Variants in PARL observed in about 807,000 individuals in gnomAD.
The protein encoded by PARL is presenilin-associated rhomboid-like protein, mitochondrial.
Under a neutral mutation model 51.6 loss-of-function variants are expected in PARL, and 44 were observed. The ratio of observed to expected loss-of-function variants is 0.85; its 90% CI spans 0.67 to 1.10. The LOEUF is 1.10. Ranked by LOEUF, PARL falls within the 50% of genes least tolerant of loss-of-function variation. The pLI is 0.00. For missense variants in PARL, 441 were observed against 469.5 expected (o/e 0.94, Z 0.56); for synonymous variants, 172 against 164.0 (o/e 1.05, Z -0.37).
intron 1 of PARL, chr3:183,879,821 AT>A (rs770315468): frequency 5.9e-5 from 14 of 238,206 alleles, no homozygotes; most frequent in Non-Finnish European, 9.4e-5. Flanking sequence ...AGTTCAAGTG[AT>A]TCCCCTGCCT....
chr3:183,865,183 C>A (rs1227194476), intron 3 of PARL, among the ~76,000 whole-genome samples: 1 of 152,128 alleles, frequency 6.6e-6, no homozygotes, highest in Non-Finnish European at 1.5e-5. Context: ...TGGCACACGC[C>A]TGTAGTCCCA....
chr3:183,837,918 C>T (rs959497745), intron 7 of PARL, among the ~76,000 whole-genome samples: 1 of 152,064 alleles, frequency 6.6e-6, no homozygotes, highest in South Asian at 2.1e-4. Flanking sequence ...TTGAGACCAG[C>T]CTTGGCAACA....
At chr3:183,868,913 T>C (rs1220708616) in intron 1 of PARL, among the ~76,000 whole-genome samples, 2 of 152,196 alleles carry the variant, frequency 1.3e-5, no homozygotes, top group African/African-American at 2.4e-5. Context: ...ACCAAATTAT[T>C]TGTGAGCTGT....
At chr3:183,844,383 A>C (rs1381819232) in intron 4 of PARL, 57 bp from the exon 5 acceptor site, 2 of 1,046,582 alleles carry the variant, frequency 1.9e-6, no homozygotes, top group African/African-American at 3.2e-5. Flanking sequence ...GGAAAGTCTG[A>C]TCTACATTAC....
intron 9 of PARL, among the ~76,000 whole-genome samples, chr3:183,832,667 G>A (rs192297917): frequency 1.3e-5 from 2 of 152,182 alleles, no homozygotes; most frequent in South Asian, 2.1e-4. Flanking sequence ...GGTCTCCCAC[G>A]ATCAGATGGA....
intron 1 of PARL, among the ~76,000 whole-genome samples, chr3:183,878,811 G>A (rs1734128300): frequency 4.6e-5 from 7 of 152,314 alleles, no homozygotes; most frequent in Non-Finnish European, 1.0e-4. Flanking sequence ...GCGGCCTATA[G>A]AGTGGATTTG....
intron 1 of PARL, among the ~76,000 whole-genome samples, chr3:183,873,723 C>G (rs1577383157): frequency 1.3e-5 from 2 of 152,106 alleles, no homozygotes; most frequent in East Asian, 3.9e-4. Flanking sequence ...ACTACTTCTA[C>G]CTGTCACCAA....
At chr3:183,835,008 G>C (rs997209151) in intron 7 of PARL, among the ~76,000 whole-genome samples, 17 of 151,450 alleles carry the variant, frequency 1.1e-4, no homozygotes, top group Non-Finnish European at 2.1e-4. Flanking sequence ...GCAGTGAGCC[G>C]AGATTGTCCC....
intron 4 of PARL, among the ~76,000 whole-genome samples, chr3:183,850,577 C>G (rs1442175659): frequency 2.6e-5 from 4 of 152,068 alleles, no homozygotes; most frequent in Admixed American, 6.5e-5. Flanking sequence ...GAAATTCTAC[C>G]AAATATAAAA....
chr3:183,859,082 G>C (rs1731500356), intron 4 of PARL, among the ~76,000 whole-genome samples: 1 of 152,054 alleles, frequency 6.6e-6, no homozygotes, highest in Non-Finnish European at 1.5e-5. Flanking sequence ...CGAGGCGGTG[G>C]ATCACGAGGT....
At chr3:183,862,641 T>G in intron 4 of PARL, 112 bp downstream of exon 4, 1 of 814,290 alleles carries the variant, frequency 1.2e-6, no homozygotes, top group Admixed American at 1.8e-5. Context: ...ACAGAGACTG[T>G]CTTCTAAACC....
intron 1 of PARL, chr3:183,879,656 ATGTT>A (rs1734210066): frequency 3.1e-6 from 2 of 642,522 alleles, no homozygotes; most frequent in Admixed American, 1.3e-4. Flanking sequence ...TAGATGTAGT[ATGTT>A]TATTACATAT....
chr3:183,870,913 C>CCCT (rs1303867932), intron 1 of PARL, among the ~76,000 whole-genome samples: 2 of 152,078 alleles, frequency 1.3e-5, no homozygotes, highest in African/African-American at 4.8e-5. Flanking sequence ...GTTAATATAT[C>CCCT]TCCTCCTCCA....
At chr3:183,884,014 T>C (rs1442673091) in intron 1 of PARL, among the ~76,000 whole-genome samples, 1 of 152,194 alleles carries the variant, frequency 6.6e-6, no homozygotes, top group Non-Finnish European at 1.5e-5. Flanking sequence ...GAATGAAGTT[T>C]TGAACAAAAG....
In PARL at chr3:183,847,310, G is replaced by A. The variant is rs149401333; in HGVS notation, c.512-2984C>T. ...GTGGTGGCTCACGCCTATAATCCTAGCACTTTGGGAGGTCCAGGCAGGAGG... is the reference window on the plus strand; with the variant it reads ...GTGGTGGCTCACGCCTATAATCCTAACACTTTGGGAGGTCCAGGCAGGAGG... On this transcript the variant is annotated intron_variant, in intron 4 of 9. Coordinates refer to ENST00000317096, the MANE Select transcript of PARL (RefSeq NM_018622.7). 4.5e-3 allele frequency among the ~76,000 whole-genome samples: 679 copies of A among 152,264 alleles called. 2 individuals carry two copies. The highest frequency in any genetic ancestry group is 0.016 in the African/African-American group (645 of 41,554).
At chr3:183,847,256 T>C (rs1471173641) in intron 4 of PARL, among the ~76,000 whole-genome samples, 1 of 152,124 alleles carries the variant, frequency 6.6e-6, no homozygotes, top group African/African-American at 2.4e-5. Flanking sequence ...AATAATAAAA[T>C]CTACCTGAAA....
At chr3:183,830,481 C>G (rs1560364597) in intron 9 of PARL, among the ~76,000 whole-genome samples, 2 of 152,226 alleles carry the variant, frequency 1.3e-5, no homozygotes, top group African/African-American at 2.4e-5. Flanking sequence ...CTTGGAGAAG[C>G]TCCTGAGGGC....
intron 1 of PARL, among the ~76,000 whole-genome samples, chr3:183,882,414 T>TAG (rs1413371682): frequency 1.5e-5 from 2 of 137,212 alleles, no homozygotes; most frequent in Non-Finnish European, 3.1e-5. Flanking sequence ...CACACATATA[T>TAG]ATAGAGAGAG....
Position 183,868,026 on chromosome 3 carries a change from T to A in PARL, c.160A>T (p.Arg54Ter). 1 of 1,614,226 alleles carries A rather than the reference T, an allele frequency of 6.2e-7. No individual in the cohort carries two copies. Among genetic ancestry groups the A allele is most frequent in the Non-Finnish European group, 8.5e-7 (1 of 1,180,022 alleles). ...GGTTCAACCTTCCTGGGTGCTTTTC[T>A]GAATCCGCATTTTTGTTGAATAAAG... Reference protein sequence around the residue: ...NFFIQQKCGFRKAPRKVEPRR... With the variant: ...NFFIQQKCGF The change falls in exon 2 of 10, where the codon AGA (arginine) becomes TGA (stop). Residue 54 changes from arginine (R) to a stop codon, truncating the protein, a stop_gained. Coordinates refer to ENST00000317096, the MANE Select transcript of PARL (RefSeq NM_018622.7). LOFTEE classifies it high-confidence loss of function.
Sources: allele counts gnomAD v4.1 joint callset (sites outside exome capture counted in the v4.1 genomes callset), GRCh38; gene constraint gnomAD v4.1.1; transcripts MANE v1.5; gene names NCBI Gene and HGNC (gene_info 2026-07-23, HGNC 2026-07-21).